NCAPG2: variants seen among roughly 807,000 people sequenced by gnomAD.
The protein encoded by NCAPG2 is condensin-2 complex subunit G2.
NCAPG2 carries 53 observed loss-of-function variants against 141.1 expected under a neutral mutation model. That is an observed-to-expected ratio of 0.38 (90% confidence interval 0.30 to 0.47). The LOEUF (loss-of-function observed/expected upper bound fraction) is 0.47. Among genes scored for constraint, NCAPG2 ranks in the 20% least tolerant of loss-of-function variants. The pLI is 0.99. For missense variants in NCAPG2, 1,087 were observed against 1,389.0 expected, an observed-to-expected ratio of 0.78 and a Z score of 3.46; for synonymous variants, 499 against 490.7, an observed-to-expected ratio of 1.02 and a Z score of -0.22.
chr7:158,650,766 C>A, intron 24 of NCAPG2, 66 bp downstream of exon 24: 1 of 1,512,888 alleles, frequency 6.6e-7, no homozygotes, highest in Non-Finnish European at 8.9e-7. Flanking sequence ...GAATGTACTG[C>A]TAGTAGAAAC....
chr7:158,667,085 T>G, intron 13 of NCAPG2: 1 of 965,062 alleles, frequency 1.0e-6, no homozygotes, highest in Non-Finnish European at 1.2e-6. Context: ...ACTCATGTCA[T>G]TCTGTAACCT....
chr7:158,645,538 A>T lies in NCAPG2; in HGVS notation c.3261T>A (p.Ile1087=), dbSNP rs1210736640. ...ACCAACCTGCATTAATAACCAGGAT[A>T]ATATGCACAGCAGCCGTGAGGCACA... ...GIVCLTAAVH[I]ILVINAGKHK... The change falls in exon 26 of 28, where the codon ATT becomes ATA. Residue 1087 remains isoleucine (I), a synonymous_variant. Transcript: ENST00000356309. The T allele has an allele frequency of 6.2e-7, 1 of 1,614,148 alleles. No homozygotes were observed. Among genetic ancestry groups the T allele is most frequent in the Admixed American group, 1.7e-5 (1 of 60,030 alleles).
At chr7:158,646,212 G>A (rs1831005645) in intron 25 of NCAPG2, among the ~76,000 whole-genome samples, 1 of 152,208 alleles carries the variant, frequency 6.6e-6, no homozygotes, top group Non-Finnish European at 1.5e-5. Flanking sequence ...TTTAAGTTAT[G>A]AGAAGCATAA....
At chr7:158,683,948 C>T (rs150743477) in intron 8 of NCAPG2, among the ~76,000 whole-genome samples, 1 of 152,322 alleles carries the variant, frequency 6.6e-6, no homozygotes, top group African/African-American at 2.4e-5. Flanking sequence ...GGCCTAGCCT[C>T]TAAGAGTAGC....
At chr7:158,702,813 T>G (rs773655927) in intron 1 of NCAPG2, among the ~76,000 whole-genome samples, 1 of 152,174 alleles carries the variant, frequency 6.6e-6, no homozygotes, top group Non-Finnish European at 1.5e-5. Context: ...AACCTCAGTT[T>G]AATGACTCCC....
chr7:158,685,599 G>A (rs1834707821), intron 8 of NCAPG2, among the ~76,000 whole-genome samples: 2 of 152,252 alleles, frequency 1.3e-5, no homozygotes, highest in African/African-American at 4.8e-5. Context: ...TTAATACAGT[G>A]TCAATGTTAT....
Position 158,631,643 on chromosome 7 carries a change from C to A in NCAPG2, c.*23G>T, listed in dbSNP as rs751384543. 1.5e-5 allele frequency: 23 copies of A among 1,554,702 alleles called. No homozygotes were observed. The South Asian group carries it at 2.6e-4, about 17-fold the overall frequency. On this transcript the variant is annotated 3_prime_UTR_variant, in exon 28 of 28. Coordinates refer to ENST00000356309, the MANE Select transcript of NCAPG2 (RefSeq NM_017760.7). Reference sequence around the variant, plus strand: ...TTTGAATCACTTTTCCCTATTTTTACATGTCTGGAGATGTTGGCTTGGTTA... The same window carrying A: ...TTTGAATCACTTTTCCCTATTTTTAAATGTCTGGAGATGTTGGCTTGGTTA...
chr7:158,650,782 C>A, intron 24 of NCAPG2, 50 bp downstream of exon 24: 2 of 1,555,990 alleles, frequency 1.3e-6, no homozygotes, highest in Non-Finnish European at 1.7e-6. Flanking sequence ...GAAACACCAT[C>A]TTGTGTCATC....
At chr7:158,683,092 A>G (rs1457991708) in intron 9 of NCAPG2, among the ~76,000 whole-genome samples, 2 of 152,228 alleles carry the variant, frequency 1.3e-5, no homozygotes, top group East Asian at 3.8e-4. Flanking sequence ...TTCAAATACA[A>G]TACTAACCAT....
chr7:158,664,427 A>G, intron 14 of NCAPG2, 101 bp downstream of exon 14: 1 of 1,498,248 alleles, frequency 6.7e-7, no homozygotes, highest in Non-Finnish European at 9.2e-7. Flanking sequence ...AATGCATTAA[A>G]GTATGAAGCT....
chr7:158,664,065 C>A, intron 15 of NCAPG2, 119 bp downstream of exon 15: 3 of 787,890 alleles, frequency 3.8e-6, no homozygotes, highest in Non-Finnish European at 4.2e-6. Flanking sequence ...TCCAAAATAA[C>A]TTGTTTAATT....
intron 27 of NCAPG2, among the ~76,000 whole-genome samples, chr7:158,638,284 G>C (rs1028972450): frequency 1.3e-5 from 2 of 152,198 alleles, no homozygotes; most frequent in African/African-American, 4.8e-5. Flanking sequence ...GTCTTGCTCT[G>C]TTGCCAAGAC....
At chr7:158,641,421 T>C (rs1245771446) in intron 27 of NCAPG2, 3 of 567,942 alleles carry the variant, frequency 5.3e-6, no homozygotes, top group South Asian at 2.2e-5. Context: ...CACATATAGA[T>C]AGAAATTACA....
intron 2 of NCAPG2, among the ~76,000 whole-genome samples, chr7:158,701,291 T>A (rs1419177112): frequency 3.9e-5 from 6 of 152,240 alleles, no homozygotes; most frequent in Admixed American, 3.9e-4. Flanking sequence ...CCCTTTGACA[T>A]ATTTCTCACT....
At chr7:158,703,959 G>A (rs1040436919) in intron 1 of NCAPG2, among the ~76,000 whole-genome samples, 24 of 152,164 alleles carry the variant, frequency 1.6e-4, no homozygotes, top group African/African-American at 5.8e-4. Flanking sequence ...GGACTGAGGG[G>A]ACTCTCTCTG....
chr7:158,655,277 A>G lies in NCAPG2; in HGVS notation c.2506-19T>C. 1 of 1,613,810 alleles carries G rather than the reference A, an allele frequency of 6.2e-7. No individual in the cohort carries two copies. Among genetic ancestry groups the G allele is most frequent in the Non-Finnish European group, 8.5e-7 (1 of 1,179,850 alleles). On this transcript the variant is annotated intron_variant, in intron 20 of 27. Transcript: ENST00000356309. ...AGCAGAACTGTCCAAAAACAAGAAG[A>G]TAAATCAGTAACAAAAAGAGCACTG...
chr7:158,634,286 C>T (rs1387290000), intron 27 of NCAPG2, among the ~76,000 whole-genome samples: 1 of 151,992 alleles, frequency 6.6e-6, no homozygotes, highest in Non-Finnish European at 1.5e-5. Flanking sequence ...CTTATAATAC[C>T]TAATACAAGG....
chr7:158,701,401 C>T (rs1835780970), intron 2 of NCAPG2, among the ~76,000 whole-genome samples: 3 of 152,166 alleles, frequency 2.0e-5, no homozygotes, highest in Non-Finnish European at 4.4e-5. Context: ...CTCTTCCTCC[C>T]TTGCCTACAG....
rs186593221 is a variant in NCAPG2 at position 158,668,975 on chromosome 7, C to T, written c.1479+2539G>A. ...TGTGTTGTTCCCCACCATGTGTCCA[C>T]GTGTTCTCATCATTTAGCTCTCATT... is the stretch of plus-strand genomic sequence containing the variant. On this transcript the variant is annotated intron_variant, in intron 13 of 27. Transcript: ENST00000356309. Among the ~76,000 whole-genome samples, 8 of 152,306 alleles carry T rather than the reference C, an allele frequency of 5.3e-5. No individual in the cohort carries two copies. In the East Asian group the frequency reaches 1.5e-3, roughly 29 times the overall value.
Sources: gnomAD v4.1 joint callset for allele counts (sites outside exome capture counted in the v4.1 genomes callset) on GRCh38, gnomAD v4.1.1 for gene constraint, MANE v1.5 for transcripts, NCBI Gene and HGNC (gene_info 2026-07-23, HGNC 2026-07-21) for gene names.